The following FANCM variants were observed in gnomAD, a reference collection of about 807,000 sequenced individuals.
FANCM encodes the protein Fanconi anemia group M protein.
In FANCM, 140 loss-of-function variants were observed where a neutral mutation model predicts 199.5. The observed-to-expected ratio is 0.70, with a 90% CI of 0.61 to 0.81. FANCM has a LOEUF of 0.81. FANCM is among the 30% of genes least tolerant of loss of function. The pLI is 0.00. For missense variants in FANCM, 2,410 were observed against 2,421.4 expected (o/e 1.00, Z 0.10); for synonymous variants, 840 against 836.8 (o/e 1.00, Z -0.07).
Position 45,170,635 on chromosome 14 carries a change from A to C in FANCM, c.2049A>C (p.Glu683Asp). 1.9e-6 allele frequency: 3 copies of C among 1,602,284 alleles called. No homozygotes were observed. The highest frequency in any genetic ancestry group is 2.6e-6 in the Non-Finnish European group (3 of 1,169,552). ...AGAAAGATTGGTTCTTATCAGAAGA[A>C]GAATTTAAATTATGGAACAGACTTT... The part of the protein sequence containing the change: ...SLKKDWFLSE[E>D]EFKLWNRLYR... Residue 683 changes from glutamate to aspartate, a missense_variant, in exon 12 of 23, where the codon GAA becomes GAC. Transcript: ENST00000267430.
In FANCM at chr14:45,176,221, G is replaced by C; in HGVS notation, c.3467G>C (p.Ser1156Thr). ...DVSLSPLNSK[S>T]ESLPVSDKTA... ...AGTCTTTCACCCTTGAACAGTAAAA[G>C]CGAATCTTTACCTGTGTCAGACAAA... The change falls in exon 14 of 23, where the codon AGC (serine) becomes ACC (threonine). Residue 1156 changes from serine (S) to threonine (T), a missense_variant. Ser to Thr is a moderately conservative substitution (Grantham distance 58). Transcript: ENST00000267430. The C allele has an allele frequency of 6.2e-7, 1 of 1,614,060 alleles. No individual in the cohort carries two copies.
chr14:45,160,586 C>T (rs1483190836), intron 9 of FANCM, among the ~76,000 whole-genome samples: 6 of 150,460 alleles, frequency 4.0e-5, no homozygotes, highest in African/African-American at 1.5e-4. Flanking sequence ...GCTCTGTTGC[C>T]GAGGCTGGAG....
chr14:45,171,795 T>TG (rs1888359894), intron 12 of FANCM, among the ~76,000 whole-genome samples: 1 of 152,040 alleles, frequency 6.6e-6, no homozygotes, highest in Admixed American at 6.6e-5. Context: ...TTTTTGCAGT[T>TG]GCGAATTTTG....
intron 4 of FANCM, 41 bp downstream of exon 4, chr14:45,149,036 C>T (rs775128317): frequency 1.4e-6 from 2 of 1,410,748 alleles, no homozygotes; most frequent in African/African-American, 1.4e-5. Flanking sequence ...CATAAATAAA[C>T]TGGTAATTGA....
rs746608829 is a variant in FANCM, at chr14:45,175,728, A to G, written c.2974A>G (p.Arg992Gly). ...AAAAGAGGTACTAGCTAATGTAGAG[A>G]GATTTTTATCTTATTCTCCTCCGCC... ...LTKEVLANVE[R>G]FLSYSPPPLS... is the part of the protein sequence containing the mutation. The change falls in exon 14 of 23, where the codon AGA becomes GGA. Residue 992 changes from arginine to glycine, a missense_variant. Coordinates refer to ENST00000267430, the MANE Select transcript of FANCM (RefSeq NM_020937.4). 1.2e-6 allele frequency: 2 copies of G among 1,613,918 alleles called. No homozygotes were observed. The highest frequency in any genetic ancestry group is 1.7e-6 in the Non-Finnish European group (2 of 1,179,930).
intron 5 of FANCM, 44 bp from the exon 6 acceptor site, chr14:45,153,872 ATGTT>A (rs1886993328): frequency 6.6e-7 from 1 of 1,505,810 alleles, no homozygotes; most frequent in South Asian, 1.1e-5. Flanking sequence ...TGGAGCATGT[ATGTT>A]CATTTATTTC....
intron 16 of FANCM, 90 bp downstream of exon 16, chr14:45,181,795 T>A: frequency 1.3e-6 from 1 of 780,596 alleles, no homozygotes; most frequent in Non-Finnish European, 2.2e-6. Context: ...ATATAGGTAT[T>A]TTTAATCCTT....
chr14:45,144,643 T>C (rs1206540603), intron 3 of FANCM, among the ~76,000 whole-genome samples: 1 of 152,222 alleles, frequency 6.6e-6, no homozygotes, highest in Non-Finnish European at 1.5e-5. Flanking sequence ...TGAGGTGTAC[T>C]GCCAGTCTAC....
At position 45,200,124 on chromosome 14, in the gene FANCM, A is replaced by G; in HGVS notation, c.*116A>G. The G allele has an allele frequency of 2.4e-6, 1 of 420,574 alleles. No individual in the cohort carries two copies. Among genetic ancestry groups the G allele is most frequent in the East Asian group, 6.0e-5 (1 of 16,582 alleles). 26.1% of individuals were successfully genotyped at this position (420,574 alleles called of 1,614,324 possible). A position where few individuals can be genotyped will look rare whatever the true frequency, so the allele number is the denominator to read the frequency against. ...AGAGAATATTTTATTTAAATATTTT[A>G]TATTGTATACATTTTTATTTATAGA... On this transcript the variant is annotated 3_prime_UTR_variant, in exon 23 of 23. Transcript: ENST00000267430.
At position 45,189,223 on chromosome 14, in the gene FANCM, C is replaced by T; in HGVS notation, c.5201C>T (p.Thr1734Ile). 6.2e-7 allele frequency: 1 copy of T among 1,614,106 alleles called. No individual in the cohort carries two copies. Among genetic ancestry groups the T allele is most frequent in the Non-Finnish European group, 8.5e-7 (1 of 1,179,994 alleles). Residue 1734 changes from threonine to isoleucine, a missense_variant, in exon 20 of 23, where the codon ACA (threonine) becomes ATA (isoleucine). Thr to Ile is a moderately conservative substitution (Grantham distance 89). Transcript: ENST00000267430. The part of the protein sequence containing the change: ...VNPLAKQSKQ[T>I]SLNLKDTISE... ...CCATTAGCAAAGCAGAGCAAACAGACATCGCTGAATTTAAAGGATACAATT... is the reference window on the plus strand; with the variant it reads ...CCATTAGCAAAGCAGAGCAAACAGATATCGCTGAATTTAAAGGATACAATT...
chr14:45,140,903 G>T (rs1257563841), intron 3 of FANCM, among the ~76,000 whole-genome samples, 194 bp downstream of exon 3: 1 of 152,012 alleles, frequency 6.6e-6, no homozygotes, highest in Non-Finnish European at 1.5e-5. Context: ...AGTGAGCATG[G>T]TGGCACACAT....
rs1334254456 is a variant in FANCM at position 45,176,706 on chromosome 14, G to C, written c.3952G>C (p.Glu1318Gln). The C allele has an allele frequency of 6.2e-7, 1 of 1,613,594 alleles. No homozygotes were observed. The change falls in exon 14 of 23, where the codon GAA (glutamate) becomes CAA (glutamine). Residue 1318 changes from glutamate to glutamine, a missense_variant. Glu to Gln is a conservative substitution (Grantham distance 29). Transcript: ENST00000267430. ...VHLPLSAAKN[E>Q]ELLSPGYSQF... The stretch of plus-strand genomic sequence containing the variant: ...TTTGCCACTGAGTGCAGCAAAAAAT[G>C]AAGAATTGTTATCTCCTGGTTATTC...
At chr14:45,147,113 A>C (rs1886452957) in intron 3 of FANCM, among the ~76,000 whole-genome samples, 1 of 152,114 alleles carries the variant, frequency 6.6e-6, no homozygotes. Context: ...TATTAAAAGC[A>C]ATAAGCTTAA....
intron 19 of FANCM, 39 bp downstream of exon 19, chr14:45,187,926 A>G (rs189101704): frequency 2.9e-6 from 3 of 1,021,530 alleles, no homozygotes; most frequent in African/African-American, 1.6e-5. Flanking sequence ...TTTCTGGATG[A>G]TGATGTTGAA....
At chr14:45,198,461 G>A (rs1008919623) in intron 21 of FANCM, 183 bp from the exon 22 acceptor site, 6 of 479,628 alleles carry the variant, frequency 1.3e-5, no homozygotes, top group Non-Finnish European at 2.2e-5. Context: ...GGCGCTCATA[G>A]TTACCCCTAT....
chr14:45,163,483 G>C (rs1887749443), intron 9 of FANCM, among the ~76,000 whole-genome samples: 1 of 152,166 alleles, frequency 6.6e-6, no homozygotes, highest in South Asian at 2.1e-4. Context: ...GCTCAGAGCA[G>C]TTGAGAACTA....
intron 9 of FANCM, among the ~76,000 whole-genome samples, chr14:45,160,086 C>T (rs954652914): frequency 4.0e-5 from 6 of 150,138 alleles, no homozygotes; most frequent in Admixed American, 6.6e-5. Context: ...CTGCAACCTC[C>T]GCCTCCCAGG....
chr14:45,173,290 G>A (rs1888459657), intron 13 of FANCM, 80 bp downstream of exon 13: 3 of 1,287,916 alleles, frequency 2.3e-6, no homozygotes, highest in Middle Eastern at 1.8e-4. Flanking sequence ...TTAATTTGAA[G>A]TAATAAGAAA....
At chr14:45,180,647 G>C (rs1183291715) in intron 14 of FANCM, among the ~76,000 whole-genome samples, 1 of 151,988 alleles carries the variant, frequency 6.6e-6, no homozygotes, top group African/African-American at 2.4e-5. Context: ...TGTTGCCCAG[G>C]CTGGTCTCAA....
Sources: gnomAD v4.1 joint callset for allele counts (sites outside exome capture counted in the v4.1 genomes callset) on GRCh38, gnomAD v4.1.1 for gene constraint, MANE v1.5 for transcripts, NCBI Gene and HGNC (gene_info 2026-07-23, HGNC 2026-07-21) for gene names.